The following RNFT2 variants were observed in gnomAD, a reference collection of about 807,000 sequenced individuals.
RNFT2 encodes the protein E3 ubiquitin-protein ligase RNFT2.
Under a neutral mutation model 53.0 loss-of-function variants are expected in RNFT2, and 36 were observed. That is an observed-to-expected ratio of 0.68 (90% CI 0.52 to 0.90). The LOEUF is 0.90. Ranked by LOEUF, RNFT2 falls within the 40% of genes least tolerant of loss-of-function variation. The pLI is 0.00. For synonymous variants in RNFT2, 260 were observed against 253.2 expected, an observed-to-expected ratio of 1.03 and a Z score of -0.26; for missense variants, 514 against 585.6, an observed-to-expected ratio of 0.88 and a Z score of 1.26.
chr12:116,825,894 A>G (rs1555209120), intron 7 of RNFT2, among the ~76,000 whole-genome samples: 1 of 152,174 alleles, frequency 6.6e-6, no homozygotes, highest in Admixed American at 6.5e-5. Flanking sequence ...TTAAACCACT[A>G]GGCTGTCCTG....
chr12:116,845,627 G>A (rs1263572378), intron 10 of RNFT2, among the ~76,000 whole-genome samples: 1 of 152,098 alleles, frequency 6.6e-6, no homozygotes, highest in African/African-American at 2.4e-5. Flanking sequence ...GTTACTCCAG[G>A]GTGTGAGGAT....
At chr12:116,742,883 G>C (rs923242043) in intron 3 of RNFT2, among the ~76,000 whole-genome samples, 20 of 151,934 alleles carry the variant, frequency 1.3e-4, no homozygotes, top group African/African-American at 4.4e-4. Context: ...AGAAGTTTGA[G>C]ATCAGCCTGG....
intron 1 of RNFT2, 24 bp downstream of exon 1, chr12:116,738,394 TTTC>T (rs1007799349): frequency 7.9e-5 from 12 of 151,976 alleles, no homozygotes; most frequent in African/African-American, 2.7e-4. Flanking sequence ...GCGATTTTTT[TTTC>T]TTTTCTCCCA....
chr12:116,817,275 A>G (rs985075991), intron 7 of RNFT2, among the ~76,000 whole-genome samples: 3 of 152,046 alleles, frequency 2.0e-5, no homozygotes, highest in African/African-American at 7.2e-5. Context: ...AGCCTCCCAA[A>G]GTACTGGGAT....
chr12:116,760,181 G>A (rs1006171780), intron 5 of RNFT2, among the ~76,000 whole-genome samples: 2 of 152,066 alleles, frequency 1.3e-5, no homozygotes, highest in African/African-American at 4.8e-5. Context: ...ACGAAGGGCC[G>A]GTCTCACTCC....
chr12:116,779,160 A>C, intron 6 of RNFT2, 35 bp from the exon 7 acceptor site: 1 of 1,612,940 alleles, frequency 6.2e-7, no homozygotes, highest in South Asian at 1.1e-5. Flanking sequence ...CCTGGCCCTA[A>C]GGGAACCTTC....
intron 7 of RNFT2, among the ~76,000 whole-genome samples, chr12:116,782,919 T>G (rs180782688): frequency 1.9e-3 from 289 of 152,308 alleles, no homozygotes; most frequent in Non-Finnish European, 2.6e-3. Context: ...GCACAGGTAT[T>G]AAACTCTTCA....
chr12:116,767,836 C>T (rs184192537), intron 6 of RNFT2, among the ~76,000 whole-genome samples: 129 of 152,332 alleles, frequency 8.5e-4, no homozygotes, highest in Non-Finnish European at 1.5e-3. Flanking sequence ...CCTTGGCCTC[C>T]CAAAGTGCTG....
chr12:116,842,651 G>A (rs1365468852), intron 10 of RNFT2, among the ~76,000 whole-genome samples: 2 of 152,100 alleles, frequency 1.3e-5, no homozygotes, highest in Non-Finnish European at 2.9e-5. Context: ...TTGGCTCACT[G>A]CAACCTCTGC....
intron 7 of RNFT2, among the ~76,000 whole-genome samples, chr12:116,797,644 G>GAA (rs201587218): frequency 0.039 from 5,904 of 152,292 alleles, 183 homozygotes; most frequent in African/African-American, 0.076. Flanking sequence ...CTTTGCCCAA[G>GAA]AGAATTCAAG....
In RNFT2 at chr12:116,750,111, T is replaced by C. The variant is rs763907403; in HGVS notation, c.354T>C (p.His118=). Residue 118 remains histidine, a synonymous_variant, in exon 4 of 11, where the codon CAT becomes CAC. Coordinates refer to ENST00000257575, the MANE Select transcript of RNFT2 (RefSeq NM_001382266.1). ...GCCAGCCCCACCACCATTTCCACCA[T>C]GGCGGCCACCGCGGGGGCTCCCTGC... The part of the protein sequence containing the change: ...HHRQPHHHFH[H]GGHRGGSLLQ... 77 of 1,561,380 alleles carry C rather than the reference T, an allele frequency of 4.9e-5. No homozygotes were observed. Among genetic ancestry groups the C allele is most frequent in the Non-Finnish European group, 6.0e-5 (70 of 1,159,670 alleles).
At chr12:116,848,520 C>T (rs1347851118) in intron 10 of RNFT2, among the ~76,000 whole-genome samples, 1 of 152,092 alleles carries the variant, frequency 6.6e-6, no homozygotes, top group African/African-American at 2.4e-5. Context: ...ACACCATATG[C>T]ACCCCTCACC....
intron 10 of RNFT2, among the ~76,000 whole-genome samples, chr12:116,846,495 G>A (rs1672199749): frequency 7.4e-6 from 1 of 135,644 alleles, no homozygotes; most frequent in Non-Finnish European, 1.5e-5. Context: ...TCGCCATGTT[G>A]CCCAGGCTGG....
intron 3 of RNFT2, among the ~76,000 whole-genome samples, chr12:116,747,203 C>T (rs550864726): frequency 6.6e-6 from 1 of 152,160 alleles, no homozygotes; most frequent in African/African-American, 2.4e-5. Flanking sequence ...ACTACAGGTG[C>T]GTGCCACCAT....
rs1017792914 is a variant in RNFT2, at chr12:116,829,727, G to A, written c.883-4065G>A. 7.2e-5 allele frequency among the ~76,000 whole-genome samples: 11 copies of A among 152,078 alleles called. No homozygotes were observed. In the South Asian group the frequency reaches 1.7e-3, roughly 23 times the overall value. ...CTCATGTAGCTGGGATTATAGGCACGTGCCACCATACCCGGCTATTTTTTT... is the reference window on the plus strand; with the variant it reads ...CTCATGTAGCTGGGATTATAGGCACATGCCACCATACCCGGCTATTTTTTT... On this transcript the variant is annotated intron_variant, in intron 7 of 10. Coordinates refer to ENST00000257575, the MANE Select transcript of RNFT2 (RefSeq NM_001382266.1).
chr12:116,796,076 CTT>C (rs1011381694), intron 7 of RNFT2, among the ~76,000 whole-genome samples: 1 of 151,698 alleles, frequency 6.6e-6, no homozygotes, highest in Non-Finnish European at 1.5e-5. Context: ...ACCCAGCTAA[CTT>C]TTGTATTTTT....
rs147414728 is a variant in RNFT2, at chr12:116,753,305, C to T, written c.551-679C>T. Among the ~76,000 whole-genome samples the T allele has an allele frequency of 1.9e-3, 290 of 152,044 alleles. 1 individual carries two copies. The highest frequency in any genetic ancestry group is 6.6e-3 in the African/African-American group (274 of 41,478). ...AGCTGTGACTACAGGCACATGCCAC[C>T]ATGTGTGGCTAATTTTTGTATTTTT... On this transcript the variant is annotated intron_variant, in intron 4 of 10. Transcript: ENST00000257575.
intron 1 of RNFT2, among the ~76,000 whole-genome samples, chr12:116,739,516 A>G (rs911469896): frequency 1.3e-5 from 2 of 152,228 alleles, no homozygotes; most frequent in East Asian, 1.9e-4. Flanking sequence ...ATAATATAAA[A>G]CAGGGCAATA....
chr12:116,848,649 C>T (rs922997692), intron 10 of RNFT2, among the ~76,000 whole-genome samples: 1 of 152,262 alleles, frequency 6.6e-6, no homozygotes, highest in South Asian at 2.1e-4. Context: ...AGGGCCTTTG[C>T]ACATTGCTGT....
Sources: allele counts gnomAD v4.1 joint callset (sites outside exome capture counted in the v4.1 genomes callset), GRCh38; gene constraint gnomAD v4.1.1; transcripts MANE v1.5; gene names NCBI Gene and HGNC (gene_info 2026-07-23, HGNC 2026-07-21).